The following FRAS1 variants were observed in gnomAD, a reference collection of about 807,000 sequenced individuals.
FRAS1 encodes extracellular matrix organizing protein FRAS1.
FRAS1 carries 290 observed loss-of-function variants against 435.2 expected under a neutral mutation model. The observed-to-expected ratio is 0.67, with a 90% CI of 0.61 to 0.73. FRAS1 has a LOEUF of 0.73. Ranked by LOEUF, FRAS1 falls within the 30% of genes least tolerant of loss-of-function variation. FRAS1 has a pLI of 0.00. For missense variants in FRAS1, 4,860 were observed against 5,001.5 expected (o/e 0.97, Z 0.85); for synonymous variants, 1,800 against 1,851.0 (o/e 0.97, Z 0.71).
intron 2 of FRAS1, among the ~76,000 whole-genome samples, chr4:78,110,313 A>G (rs1207173321): frequency 8.0e-6 from 1 of 124,998 alleles, no homozygotes; most frequent in African/African-American, 3.3e-5. Context: ...AGCCAAAAGA[A>G]CAAAGCTGGA....
intron 41 of FRAS1, among the ~76,000 whole-genome samples, chr4:78,444,958 A>G (rs2109830236): frequency 6.6e-6 from 1 of 152,362 alleles, no homozygotes; most frequent in East Asian, 1.9e-4. Flanking sequence ...TGACCCATGC[A>G]GAGGTTCCCT....
chr4:78,275,502 C>T (rs1401460317), intron 9 of FRAS1, among the ~76,000 whole-genome samples: 1 of 152,152 alleles, frequency 6.6e-6, no homozygotes, highest in South Asian at 2.1e-4. Flanking sequence ...TCTTTTAGGG[C>T]AGGCCTGGTG....
chr4:78,491,236 G>A (rs1720342346), intron 59 of FRAS1, among the ~76,000 whole-genome samples: 1 of 152,150 alleles, frequency 6.6e-6, no homozygotes. Flanking sequence ...GTACAAAGAG[G>A]AGCTGGTACC....
At position 78,446,816 on chromosome 4, in the gene FRAS1, C is replaced by A. The variant is rs954436013; in HGVS notation, c.5946C>A (p.Ser1982Arg). The A allele has an allele frequency of 6.2e-7, 1 of 1,612,800 alleles. No homozygotes were observed. Among genetic ancestry groups the A allele is most frequent in the Non-Finnish European group, 8.5e-7 (1 of 1,179,484 alleles). Residue 1982 changes from serine (S) to arginine (R), a missense_variant, in exon 43 of 74, where the codon AGC becomes AGA. Coordinates refer to ENST00000512123, the MANE Select transcript of FRAS1 (RefSeq NM_025074.7). ...SGVVISNSSL[S>R]LQDLDTPDNE... ...TGGTGATAAGCAATTCTTCTTTGAG[C>A]CTGCAAGACCTGGACACCCCAGATA...
At chr4:78,276,082 T>A (rs943644685) in intron 9 of FRAS1, among the ~76,000 whole-genome samples, 63 of 152,364 alleles carry the variant, frequency 4.1e-4, no homozygotes, top group African/African-American at 1.4e-3. Context: ...CAATCACTGA[T>A]ACTCTTTCTT....
At chr4:78,159,880 C>CA (rs542717902) in intron 2 of FRAS1, among the ~76,000 whole-genome samples, 2 of 151,926 alleles carry the variant, frequency 1.3e-5, no homozygotes, top group African/African-American at 2.4e-5. Flanking sequence ...GACTCCATCT[C>CA]AAAAAAACAA....
At chr4:78,062,401 A>G (rs1180964243) in intron 1 of FRAS1, among the ~76,000 whole-genome samples, 1 of 152,218 alleles carries the variant, frequency 6.6e-6, no homozygotes, top group Non-Finnish European at 1.5e-5. Flanking sequence ...GAATTATAAC[A>G]CAACATAAAG....
chr4:78,136,282 G>A (rs1052803119), intron 2 of FRAS1, among the ~76,000 whole-genome samples: 1 of 152,208 alleles, frequency 6.6e-6, no homozygotes, highest in African/African-American at 2.4e-5. Context: ...GCTGAAACAG[G>A]AGAACAGAGT....
intron 2 of FRAS1, among the ~76,000 whole-genome samples, chr4:78,121,320 T>A (rs1176902115): frequency 1.3e-5 from 2 of 152,234 alleles, no homozygotes; most frequent in East Asian, 3.8e-4. Flanking sequence ...TGATGGTAGA[T>A]ATTTAATCTT....
Position 78,452,353 on chromosome 4 carries a change from A to G in FRAS1, c.6762A>G (p.Pro2254=). Residue 2254 remains proline, a splice_region_variant and synonymous_variant, in exon 47 of 74, where the codon CCA becomes CCG. Transcript: ENST00000512123. ...GCCACTTGGAACATGCAGCATCACCAGGTAAGTCTATCATCTCTTGATTTA... is the reference window on the plus strand; with the variant it reads ...GCCACTTGGAACATGCAGCATCACCGGGTAAGTCTATCATCTCTTGATTTA... The part of the protein sequence containing the change: ...QLGHLEHAAS[P]GIQISSFTQA... 1 of 1,596,230 alleles carries G rather than the reference A, an allele frequency of 6.3e-7. No homozygotes were observed. Among genetic ancestry groups the G allele is most frequent in the Non-Finnish European group, 8.5e-7 (1 of 1,175,186 alleles).
chr4:78,334,464 A>G (rs965467562), intron 19 of FRAS1, among the ~76,000 whole-genome samples: 14 of 132,492 alleles, frequency 1.1e-4, no homozygotes, highest in South Asian at 4.7e-4. Context: ...TCCGCTTCCC[A>G]GGTTCAAGCA....
intron 2 of FRAS1, among the ~76,000 whole-genome samples, chr4:78,228,847 T>C (rs1218644920): frequency 1.3e-5 from 2 of 152,224 alleles, no homozygotes; most frequent in East Asian, 3.8e-4. Flanking sequence ...TACAAGTACA[T>C]TAACTTATTT....
At chr4:78,305,939 T>C (rs1217811558) in intron 14 of FRAS1, among the ~76,000 whole-genome samples, 1 of 152,096 alleles carries the variant, frequency 6.6e-6, no homozygotes, top group Non-Finnish European at 1.5e-5. Flanking sequence ...CATTAGTTGA[T>C]GCAGTTTCCT....
chr4:78,419,905 A>G (rs1263381755), intron 33 of FRAS1, among the ~76,000 whole-genome samples: 1 of 152,032 alleles, frequency 6.6e-6, no homozygotes, highest in Non-Finnish European at 1.5e-5. Context: ...TCACTCACTC[A>G]CTCACTCACT....
At chr4:78,518,907 G>A (rs1721299572) in intron 66 of FRAS1, among the ~76,000 whole-genome samples, 1 of 152,148 alleles carries the variant, frequency 6.6e-6, no homozygotes, top group Non-Finnish European at 1.5e-5. Context: ...GATGATGGTT[G>A]ACTTGGGCTC....
At chr4:78,299,670 A>G (rs1728298445) in intron 14 of FRAS1, among the ~76,000 whole-genome samples, 1 of 152,068 alleles carries the variant, frequency 6.6e-6, no homozygotes, top group Non-Finnish European at 1.5e-5. Flanking sequence ...GCCAGAATGA[A>G]CTCTCTAAAA....
chr4:78,307,882 C>T (rs1205613483), intron 14 of FRAS1, among the ~76,000 whole-genome samples, 184 bp from the exon 15 acceptor site: 1 of 152,168 alleles, frequency 6.6e-6, no homozygotes, highest in African/African-American at 2.4e-5. Flanking sequence ...GCTCCTCCCC[C>T]TAGAAACGGT....
chr4:78,364,111 C>T, intron 22 of FRAS1, 57 bp downstream of exon 22: 1 of 1,521,150 alleles, frequency 6.6e-7, no homozygotes, highest in Non-Finnish European at 8.9e-7. Context: ...TTTCTGGAGC[C>T]ATTGAAAGAA....
chr4:78,090,680 A>G (rs1444867582), intron 2 of FRAS1, among the ~76,000 whole-genome samples: 3 of 152,168 alleles, frequency 2.0e-5, no homozygotes, highest in Non-Finnish European at 2.9e-5. Flanking sequence ...GTGTGTTGTG[A>G]AAAATGATTT....
Sources: allele counts gnomAD v4.1 joint callset (sites outside exome capture counted in the v4.1 genomes callset), GRCh38; gene constraint gnomAD v4.1.1; transcripts MANE v1.5; gene names NCBI Gene and HGNC (gene_info 2026-07-23, HGNC 2026-07-21).